Variants in FRMD4B observed in about 807,000 individuals in gnomAD.
The protein encoded by FRMD4B is FERM domain containing 4B, also known as FERM domain-containing protein 4B.
A neutral mutation model predicts 141.5 loss-of-function variants in FRMD4B; 74 were observed. That is an observed-to-expected ratio of 0.52 (90% CI 0.43 to 0.63). FRMD4B has a LOEUF of 0.63. FRMD4B is among the 30% of genes least tolerant of loss of function. The pLI, the probability that FRMD4B is intolerant of heterozygous loss-of-function variation, is 0.00. For missense variants in FRMD4B, 1,366 were observed against 1,253.4 expected (o/e 1.09, Z -1.36); for synonymous variants, 506 against 467.9 (o/e 1.08, Z -1.05).
intron 1 of FRMD4B, among the ~76,000 whole-genome samples, chr3:69,339,229 C>G (rs539418612): frequency 2.0e-5 from 3 of 151,938 alleles, no homozygotes; most frequent in Non-Finnish European, 2.9e-5. Flanking sequence ...ATGTTAAACC[C>G]GAGTTTTATA....
At chr3:69,379,512 C>G (rs1575777531) in intron 1 of FRMD4B, among the ~76,000 whole-genome samples, 1 of 152,298 alleles carries the variant, frequency 6.6e-6, no homozygotes, top group South Asian at 2.1e-4. Context: ...CTCCTGGGCT[C>G]AAGTGACCTG....
chr3:69,344,573 C>G (rs761597516), intron 1 of FRMD4B, among the ~76,000 whole-genome samples: 1 of 152,136 alleles, frequency 6.6e-6, no homozygotes, highest in Non-Finnish European at 1.5e-5. Flanking sequence ...CTTCCAAGAC[C>G]ACATAGCTTG....
chr3:69,239,227 A>C (rs1417301271), intron 7 of FRMD4B, among the ~76,000 whole-genome samples: 1 of 152,016 alleles, frequency 6.6e-6, no homozygotes, highest in East Asian at 1.9e-4. Flanking sequence ...TCAGCCTTTT[A>C]TTTTCTCAGC....
In FRMD4B at chr3:69,180,894, C is replaced by T. The variant is rs1471479283; in HGVS notation, c.2851+5G>A. The stretch of plus-strand genomic sequence containing the variant: ...AGGTGTTGCGTGTTTTTACAGTATT[C>T]TCACCTGAAGAGTACGAGGATGCAC... On this transcript the variant is annotated splice_donor_5th_base_variant and intron_variant, in intron 21 of 22. Transcript: ENST00000398540. The T allele has an allele frequency of 5.1e-6, 8 of 1,569,788 alleles. No homozygotes were observed. The highest frequency in any genetic ancestry group is 7.0e-6 in the Non-Finnish European group (8 of 1,148,930).
intron 1 of FRMD4B, among the ~76,000 whole-genome samples, chr3:69,502,595 G>A (rs1172116272): frequency 6.6e-6 from 1 of 152,062 alleles, no homozygotes; most frequent in Non-Finnish European, 1.5e-5. Flanking sequence ...GAAAACCTAG[G>A]CAATACCATT....
chr3:69,429,501 A>C (rs1352058331), intron 2 of FRMD4B, among the ~76,000 whole-genome samples: 1 of 152,196 alleles, frequency 6.6e-6, no homozygotes, highest in Non-Finnish European at 1.5e-5. Flanking sequence ...CACAAAGAAA[A>C]GATAAATATT....
At chr3:69,526,717 T>C (rs1481830173) in intron 1 of FRMD4B, among the ~76,000 whole-genome samples, 1 of 152,164 alleles carries the variant, frequency 6.6e-6, no homozygotes, top group Admixed American at 6.5e-5. Flanking sequence ...TCCCTAACAC[T>C]GTCCCGAGAA....
chr3:69,212,628 G>A (rs899213855), intron 11 of FRMD4B, among the ~76,000 whole-genome samples: 1 of 152,168 alleles, frequency 6.6e-6, no homozygotes, highest in African/African-American at 2.4e-5. Flanking sequence ...TGAGTCATAA[G>A]TACAGGAGAG....
At chr3:69,331,344 G>A (rs529646972) in intron 1 of FRMD4B, among the ~76,000 whole-genome samples, 3 of 152,284 alleles carry the variant, frequency 2.0e-5, no homozygotes, top group Non-Finnish European at 4.4e-5. Context: ...CTCGGCGTAG[G>A]GCGGTGGTTG....
At chr3:69,470,821 T>A (rs1437523369) in intron 1 of FRMD4B, among the ~76,000 whole-genome samples, 1 of 152,174 alleles carries the variant, frequency 6.6e-6, no homozygotes, top group Non-Finnish European at 1.5e-5. Flanking sequence ...ATCTACCCAA[T>A]TCATATGATC....
chr3:69,225,694 CAAAAAAAAAAAAAAAAAA>C (rs144489759), intron 7 of FRMD4B, among the ~76,000 whole-genome samples: 1 of 23,358 alleles, frequency 4.3e-5, no homozygotes, highest in African/African-American at 1.8e-4. Flanking sequence ...GACTCCGTCT[CAAAAAAAAAAAAAAAAAA>C]AAAAAAAAAA....
intron 1 of FRMD4B, among the ~76,000 whole-genome samples, chr3:69,472,938 C>CTTTTTTTTTTTTTTT (rs71618285): frequency 1.8e-5 from 2 of 108,328 alleles, no homozygotes; most frequent in East Asian, 2.6e-4. Context: ...TTTTTTTTTT[C>CTTTTTTTTTTTTTTT]TTTTTTTTTT....
chr3:69,532,236 G>C (rs1363618478), intron 1 of FRMD4B, among the ~76,000 whole-genome samples: 1 of 152,164 alleles, frequency 6.6e-6, no homozygotes, highest in Non-Finnish European at 1.5e-5. Flanking sequence ...TTAATGTTTT[G>C]AGATTTGTCT....
At chr3:69,264,649 C>T (rs13059951) in intron 5 of FRMD4B, among the ~76,000 whole-genome samples, 33,560 of 152,054 alleles carry the variant, frequency 0.22, 3,832 homozygotes, top group East Asian at 0.38. Flanking sequence ...ATCATTTACT[C>T]TTCTGGCTTT....
rs34660103 is a variant in FRMD4B, at chr3:69,248,906, G to GTT, written c.581+318_581+319dup. Among the ~76,000 whole-genome samples, 428 of 151,800 alleles carry GTT rather than the reference G, an allele frequency of 2.8e-3. 1 individual carries two copies. The highest frequency in any genetic ancestry group is 0.01 in the African/African-American group (417 of 41,408). On this transcript the variant is annotated intron_variant, in intron 7 of 22. Coordinates refer to ENST00000398540, the MANE Select transcript of FRMD4B (RefSeq NM_015123.3). ...TCTTCGAACACAAGATTATTGTAAG[G>GTT]TTTTTTTTTATCAGCATAAGCTATC...
intron 1 of FRMD4B, among the ~76,000 whole-genome samples, chr3:69,355,380 T>C (rs568702157): frequency 6.6e-6 from 1 of 152,364 alleles, no homozygotes; most frequent in South Asian, 2.1e-4. Flanking sequence ...TCTTCTTGTT[T>C]GGAAGGTGGG....
chr3:69,468,380 C>T (rs1465287259), intron 1 of FRMD4B, among the ~76,000 whole-genome samples: 1 of 152,108 alleles, frequency 6.6e-6, no homozygotes, highest in East Asian at 1.9e-4. Context: ...ACCCATCACT[C>T]ATTTCCCAAA....
upstream of FRMD4B, among the ~76,000 whole-genome samples, chr3:69,390,021 G>C (rs187581752): frequency 6.6e-6 from 1 of 152,036 alleles, no homozygotes; most frequent in African/African-American, 2.4e-5. Flanking sequence ...AGATGCTTCG[G>C]GTGGCAGCAT....
At chr3:69,446,053 A>G (rs1265378588) in intron 1 of FRMD4B, among the ~76,000 whole-genome samples, 1 of 152,168 alleles carries the variant, frequency 6.6e-6, no homozygotes, top group Non-Finnish European at 1.5e-5. Flanking sequence ...TCTGAGATGG[A>G]GTCTGACTTT....
Sources: allele counts gnomAD v4.1 joint callset (sites outside exome capture counted in the v4.1 genomes callset), GRCh38; gene constraint gnomAD v4.1.1; transcripts MANE v1.5; gene names NCBI Gene and HGNC (gene_info 2026-07-23, HGNC 2026-07-21).